Variants in LRRC7 observed in about 807,000 individuals in gnomAD.
The protein encoded by LRRC7 is leucine rich repeat containing 7, also known as leucine-rich repeat-containing protein 7.
LRRC7 carries 23 observed loss-of-function variants against 175.7 expected under a neutral mutation model. That is an observed-to-expected ratio of 0.13 (90% CI 0.09 to 0.19). LRRC7 has a LOEUF of 0.19. Ranked by LOEUF, LRRC7 falls within the 10% of genes least tolerant of loss-of-function variation. LRRC7 has a pLI of 1.00. For synonymous variants in LRRC7, 685 were observed against 680.9 expected (o/e 1.01, Z -0.09); for missense variants, 1,354 against 1,904.7 (o/e 0.71, Z 5.38).
intron 7 of LRRC7, among the ~76,000 whole-genome samples, chr1:69,882,021 A>G (rs1686664424): frequency 6.6e-6 from 1 of 151,590 alleles, no homozygotes; most frequent in Non-Finnish European, 1.5e-5. Context: ...AAAAAAAAAA[A>G]AAAAGCAAAC....
intron 1 of LRRC7, among the ~76,000 whole-genome samples, chr1:69,625,205 T>C (rs937712451): frequency 2.0e-5 from 3 of 151,722 alleles, no homozygotes; most frequent in African/African-American, 4.8e-5. Flanking sequence ...TCTCCTCTTA[T>C]GTCAATTTTA....
chr1:69,876,877 TCAGTA>T (rs1686090727), intron 7 of LRRC7, among the ~76,000 whole-genome samples: 1 of 152,136 alleles, frequency 6.6e-6, no homozygotes, highest in Admixed American at 6.6e-5. Context: ...AGCATTATAT[TCAGTA>T]CAGCATAGTA....
intron 2 of LRRC7, among the ~76,000 whole-genome samples, chr1:69,752,327 C>T (rs901571991): frequency 6.6e-6 from 1 of 152,008 alleles, no homozygotes; most frequent in African/African-American, 2.4e-5. Flanking sequence ...AAGACTGTGC[C>T]AACTAATGAG....
rs1490740406 is a variant in LRRC7, at chr1:69,931,567, G to A, written c.708G>A (p.Glu236=). 6.2e-7 allele frequency: 1 copy of A among 1,613,154 alleles called. No individual in the cohort carries two copies. The highest frequency in any genetic ancestry group is 8.5e-7 in the Non-Finnish European group (1 of 1,179,172). ...RLDLGNNEFG[E]LPEVLDQIQN... is the part of the protein sequence containing the mutation. Reference sequence around the variant, plus strand: ...ACCTAGGCAATAATGAATTCGGTGAGCTGGTAAGCAAATGCATTTTCTAAA... The same window carrying A: ...ACCTAGGCAATAATGAATTCGGTGAACTGGTAAGCAAATGCATTTTCTAAA... Residue 236 remains glutamate (E), a synonymous_variant, in exon 8 of 27, where the codon GAG becomes GAA. Coordinates refer to ENST00000651989, the MANE Select transcript of LRRC7 (RefSeq NM_001370785.2).
chr1:69,978,213 G>A (rs1653028561), intron 8 of LRRC7, among the ~76,000 whole-genome samples: 1 of 151,984 alleles, frequency 6.6e-6, no homozygotes, highest in South Asian at 2.1e-4. Context: ...AACCCAGGAG[G>A]CAGAGGTTGC....
chr1:69,917,154 C>T (rs571491672), intron 7 of LRRC7, among the ~76,000 whole-genome samples: 1 of 152,120 alleles, frequency 6.6e-6, no homozygotes, highest in Non-Finnish European at 1.5e-5. Flanking sequence ...AGTTAATATG[C>T]AAATGAGTCT....
At chr1:69,941,572 T>C (rs557928689) in intron 8 of LRRC7, among the ~76,000 whole-genome samples, 1 of 151,880 alleles carries the variant, frequency 6.6e-6, no homozygotes, top group Non-Finnish European at 1.5e-5. Flanking sequence ...GGATCTGAAT[T>C]TTGTAAATTG....
intron 8 of LRRC7, among the ~76,000 whole-genome samples, chr1:69,971,005 A>C (rs575805836): frequency 6.6e-6 from 1 of 152,192 alleles, no homozygotes; most frequent in African/African-American, 2.4e-5. Flanking sequence ...GATACACCAC[A>C]TAAATAGAAT....
At chr1:69,708,345 T>A (rs1361654312) in intron 2 of LRRC7, among the ~76,000 whole-genome samples, 3 of 152,034 alleles carry the variant, frequency 2.0e-5, no homozygotes, top group Non-Finnish European at 4.4e-5. Context: ...AGGACTGATC[T>A]CCCCCATCTA....
chr1:69,578,941 TAATAAAATAA>T (rs201009387), intron 1 of LRRC7, among the ~76,000 whole-genome samples: 2 of 151,374 alleles, frequency 1.3e-5, no homozygotes, highest in East Asian at 2.0e-4. Context: ...AGTATAATAA[TAATAAAATAA>T]AATAAAATAA....
chr1:69,881,948 C>T (rs1686653909), intron 7 of LRRC7, among the ~76,000 whole-genome samples: 1 of 141,686 alleles, frequency 7.1e-6, no homozygotes, highest in African/African-American at 2.6e-5. Flanking sequence ...TATTTGCAAA[C>T]TATATATCTA....
At chr1:70,050,178 T>C (rs899196046) in intron 22 of LRRC7, among the ~76,000 whole-genome samples, 4 of 152,040 alleles carry the variant, frequency 2.6e-5, no homozygotes, top group African/African-American at 9.7e-5. Context: ...CATATATAGA[T>C]ATAGAGAAAG....
intron 4 of LRRC7, among the ~76,000 whole-genome samples, chr1:69,812,975 C>A (rs950083344): frequency 4.6e-5 from 7 of 152,060 alleles, no homozygotes; most frequent in African/African-American, 1.7e-4. Flanking sequence ...CTAGCATTAA[C>A]TTAGGTACTG....
chr1:69,639,572 A>G (rs1425139371), intron 1 of LRRC7, among the ~76,000 whole-genome samples: 1 of 151,824 alleles, frequency 6.6e-6, no homozygotes, highest in Non-Finnish European at 1.5e-5. Flanking sequence ...GTATAAGGAC[A>G]TCTTTAAAGG....
intron 1 of LRRC7, among the ~76,000 whole-genome samples, chr1:69,662,818 C>G (rs1291841999): frequency 6.6e-6 from 1 of 152,172 alleles, no homozygotes; most frequent in Non-Finnish European, 1.5e-5. Context: ...TCAGCATAGT[C>G]CTGGTCTGGG....
At position 69,876,957 on chromosome 1, in the gene LRRC7, T is replaced by A. The variant is rs142319132; in HGVS notation, c.647+38674T>A. Among the ~76,000 whole-genome samples the A allele has an allele frequency of 7.2e-4, 109 of 152,278 alleles. 2 individuals are homozygous for A. The East Asian group carries it at 0.019, about 26-fold the overall frequency. On this transcript the variant is annotated intron_variant, in intron 7 of 26. Coordinates refer to ENST00000651989, the MANE Select transcript of LRRC7 (RefSeq NM_001370785.2). ...ACAGAGAAGTTATATTTCTTAGTCCTATCTGTAAAGTCCAGGTGAAGCCTG... is the reference window on the plus strand; with the variant it reads ...ACAGAGAAGTTATATTTCTTAGTCCAATCTGTAAAGTCCAGGTGAAGCCTG...
chr1:69,848,060 C>G (rs1374898687), intron 7 of LRRC7, among the ~76,000 whole-genome samples: 1 of 152,018 alleles, frequency 6.6e-6, no homozygotes, highest in African/African-American at 2.4e-5. Flanking sequence ...CTGAAAAACT[C>G]CAAATTATCC....
At chr1:69,906,227 G>A (rs1468537030) in intron 7 of LRRC7, among the ~76,000 whole-genome samples, 2 of 152,082 alleles carry the variant, frequency 1.3e-5, no homozygotes, top group African/African-American at 4.8e-5. Flanking sequence ...CACTCTGATG[G>A]TAGTTTCTTT....
At chr1:70,100,034 T>C (rs1030024316) in intron 25 of LRRC7, among the ~76,000 whole-genome samples, 1 of 152,140 alleles carries the variant, frequency 6.6e-6, no homozygotes, top group Non-Finnish European at 1.5e-5. Context: ...AATTCAAGAA[T>C]TTCACTAAGA....
Sources: gnomAD v4.1 joint callset for allele counts (sites outside exome capture counted in the v4.1 genomes callset) on GRCh38, gnomAD v4.1.1 for gene constraint, MANE v1.5 for transcripts, NCBI Gene and HGNC (gene_info 2026-07-23, HGNC 2026-07-21) for gene names.